The following KRT4 variants were observed in gnomAD, a reference collection of about 807,000 sequenced individuals.
The protein encoded by KRT4 is keratin 4.
KRT4 carries 47 observed loss-of-function variants against 50.6 expected under a neutral mutation model. The ratio of observed to expected loss-of-function variants is 0.93; its 90% CI spans 0.73 to 1.18. The LOEUF is 1.18. Among genes scored for constraint, KRT4 ranks in the 50% most tolerant of loss-of-function variants. The probability of loss-of-function intolerance (pLI) is 0.00; values close to 1 mark genes in which losing one functional copy is unlikely to be tolerated. For missense variants in KRT4, 651 were observed against 645.7 expected (o/e 1.01, Z -0.09); for synonymous variants, 254 against 251.2 (o/e 1.01, Z -0.10).
At position 52,813,847 on chromosome 12, in the gene KRT4, C is replaced by A. The variant is rs776597302; in HGVS notation, c.212G>T (p.Gly71Val). The A allele has an allele frequency of 2.0e-5, 6 of 306,350 alleles. No individual in the cohort carries two copies. In the East Asian group the frequency reaches 3.2e-4, roughly 17 times the overall value. The allele number at this position is 306,350 out of a possible 1,614,324, so 19.0% of individuals were successfully genotyped here. A position where few individuals can be genotyped will look rare whatever the true frequency, so the allele number is the denominator to read the frequency against. ...GCCTCCAGCACCCCCAAAGCAGGCA[C>A]CTTGTCGTGACCCAGCCACACTCAT... ...ISMSVAGSRQ[G>V]ACFGGAGGFG... Residue 71 changes from glycine to valine, a missense_variant, in exon 1 of 9, where the codon GGT becomes GTT. Coordinates refer to ENST00000551956, the MANE Select transcript of KRT4 (RefSeq NM_002272.4).
rs762384783 is a variant in KRT4, at chr12:52,811,930, G to T, written c.510C>A (p.Asn170Lys). Residue 170 changes from asparagine (N) to lysine (K), a missense_variant, in exon 2 of 9, where the codon AAC becomes AAA. Asn to Lys is a moderately conservative substitution (Grantham distance 94). Transcript: ENST00000551956. Reference sequence around the variant, plus strand: ...TGGTGGTCGTCTGCTGCTGGAGCAGGTTCCATTTGGTCTCCAGGACCTTAT... The same window carrying T: ...TGGTGGTCGTCTGCTGCTGGAGCAGTTTCCATTTGGTCTCCAGGACCTTAT... ...QQNKVLETKW[N>K]LLQQQTTTTS... 6.2e-7 allele frequency: 1 copy of T among 1,613,994 alleles called. No homozygotes were observed. Among genetic ancestry groups the T allele is most frequent in the Non-Finnish European group, 8.5e-7 (1 of 1,180,026 alleles).
chr12:52,808,786 C>A lies in KRT4; in HGVS notation c.899G>T (p.Arg300Leu). 1 of 1,614,078 alleles carries A rather than the reference C, an allele frequency of 6.2e-7. No individual in the cohort carries two copies. The highest frequency in any genetic ancestry group is 1.1e-5 in the South Asian group (1 of 91,070). ...AATAATGCTGTCCAGGTCCAGGTTG[C>A]GGTTGTTGTCCATGGAAAGGACCAC... ...TSVVLSMDNN[R>L]NLDLDSIIAE... is the part of the protein sequence containing the mutation. The change falls in exon 5 of 9, where the codon CGC (arginine) becomes CTC (leucine). Residue 300 changes from arginine (R) to leucine (L), a missense_variant. Coordinates refer to ENST00000551956, the MANE Select transcript of KRT4 (RefSeq NM_002272.4).
intron 4 of KRT4, chr12:52,809,068 G>C (rs1939860640): frequency 3.1e-6 from 2 of 648,850 alleles, no homozygotes; most frequent in Non-Finnish European, 5.5e-6. Context: ...CTAATGCAGT[G>C]AGTGCCGGTG....
intron 1 of KRT4, 71 bp downstream of exon 1, chr12:52,813,526 C>A: frequency 7.3e-7 from 1 of 1,368,726 alleles, no homozygotes; most frequent in South Asian, 1.2e-5. Context: ...GTGGCAGGCT[C>A]AGGTCTGAGA....
chr12:52,811,488 A>C, intron 2 of KRT4: 1 of 457,170 alleles, frequency 2.2e-6, no homozygotes. Context: ...TTCTAATCAT[A>C]CTATACTGCT....
At chr12:52,808,010 T>C in intron 6 of KRT4, 146 bp from the exon 7 acceptor site, 1 of 811,340 alleles carries the variant, frequency 1.2e-6, no homozygotes, top group East Asian at 2.7e-5. Flanking sequence ...CTTATGCATC[T>C]CATTCACTCC....
At chr12:52,810,690 G>T in intron 3 of KRT4, 66 bp downstream of exon 3, 1 of 1,349,704 alleles carries the variant, frequency 7.4e-7, no homozygotes, top group Non-Finnish European at 1.1e-6. Context: ...CATGACTTCA[G>T]CCAAAGACCA....
intron 2 of KRT4, among the ~76,000 whole-genome samples, chr12:52,811,255 G>A (rs573237050): frequency 1.3e-5 from 2 of 152,306 alleles, no homozygotes; most frequent in African/African-American, 4.8e-5. Flanking sequence ...GAGGTGCTGT[G>A]TATTCAGTGT....
At chr12:52,810,946 T>G in intron 2 of KRT4, 130 bp from the exon 3 acceptor site, 1 of 734,652 alleles carries the variant, frequency 1.4e-6, no homozygotes, top group Non-Finnish European at 2.5e-6. Flanking sequence ...GCATTTCCCA[T>G]ATTCATACAG....
intron 7 of KRT4, 105 bp from the exon 8 acceptor site, chr12:52,807,498 G>A: frequency 2.0e-6 from 3 of 1,509,358 alleles, no homozygotes; most frequent in Non-Finnish European, 2.8e-6. Flanking sequence ...TGAGTTTGAG[G>A]GCCCAGTGTG....
In KRT4 at chr12:52,807,350, G is replaced by C. The variant is rs766303204; in HGVS notation, c.1381+9C>G. Reference sequence around the variant, plus strand: ...ATGAACAACTACAGCAGGCGTGGAAGGTACTTACAGATGCTCACGGCACTC... The same window carrying C: ...ATGAACAACTACAGCAGGCGTGGAACGTACTTACAGATGCTCACGGCACTC... On this transcript the variant is annotated intron_variant, in intron 8 of 8. Coordinates refer to ENST00000551956, the MANE Select transcript of KRT4 (RefSeq NM_002272.4). 16 of 1,614,176 alleles carry C rather than the reference G, an allele frequency of 9.9e-6. No homozygotes were observed. The East Asian group carries it at 3.1e-4, about 31-fold the overall frequency.
chr12:52,807,470 T>C, intron 7 of KRT4, 77 bp from the exon 8 acceptor site: 9 of 1,570,658 alleles, frequency 5.7e-6, no homozygotes, highest in Non-Finnish European at 7.9e-6. Flanking sequence ...CTCACCTCTC[T>C]TATCCTTGAG....
In KRT4 at chr12:52,811,897, G is replaced by A. The variant is rs1939918313; in HGVS notation, c.543C>T (p.Ser181=). The part of the protein sequence containing the change: ...LLQQQTTTTS[S]KNLEPLFETY... ...TCTCAAAGAGGGGCTCAAGGTTTTT[G>A]CTGGAGGTGGTGGTCGTCTGCTGCT... The change falls in exon 2 of 9, where the codon AGC becomes AGT. Residue 181 remains serine (S), a synonymous_variant. Transcript: ENST00000551956. The A allele has an allele frequency of 6.2e-7, 1 of 1,614,094 alleles. No individual in the cohort carries two copies.
Position 52,811,939 on chromosome 12 carries a change from G to A in KRT4, c.501C>T (p.Thr167=). 1 of 1,613,930 alleles carries A rather than the reference G, an allele frequency of 6.2e-7. No homozygotes were observed. Among genetic ancestry groups the A allele is most frequent in the Non-Finnish European group, 8.5e-7 (1 of 1,180,016 alleles). Residue 167 remains threonine, a synonymous_variant, in exon 2 of 9, where the codon ACC becomes ACT. Transcript: ENST00000551956. ...TCTGCTGCTGGAGCAGGTTCCATTTGGTCTCCAGGACCTTATTCTGTTGCT... is the reference window on the plus strand; with the variant it reads ...TCTGCTGCTGGAGCAGGTTCCATTTAGTCTCCAGGACCTTATTCTGTTGCT... ...FLEQQNKVLE[T]KWNLLQQQTT... is the part of the protein sequence containing the mutation.
chr12:52,812,075 A>G, intron 1 of KRT4, 98 bp from the exon 2 acceptor site: 1 of 963,548 alleles, frequency 1.0e-6, no homozygotes. Flanking sequence ...AGGGAACTAC[A>G]CGGCCCAAGA....
rs749942252 is a variant in KRT4, at chr12:52,813,676, G to A, written c.383C>T (p.Pro128Leu). The A allele has an allele frequency of 1.9e-6, 3 of 1,614,118 alleles. No homozygotes were observed. Among genetic ancestry groups the A allele is most frequent in the Admixed American group, 3.3e-5 (2 of 60,016 alleles). The change falls in exon 1 of 9, where the codon CCT becomes CTT. Residue 128 changes from proline to leucine, a missense_variant. Physicochemically the swap from Pro to Leu is moderately conservative, Grantham distance 98. Transcript: ENST00000551956. ...TTCCGTCCGGACTTTCTGGATCTCAGGGTCAATCTCCACGTGGAGGGGGGT... is the reference window on the plus strand; with the variant it reads ...TTCCGTCCGGACTTTCTGGATCTCAAGGTCAATCTCCACGTGGAGGGGGGT... ...LLTPLHVEID[P>L]EIQKVRTEER...
At position 52,806,950 on chromosome 12, in the gene KRT4, G is replaced by A; in HGVS notation, c.*119C>T. On this transcript the variant is annotated 3_prime_UTR_variant, in exon 9 of 9. Transcript: ENST00000551956. Reference sequence around the variant, plus strand: ...GGGCAGAGAGAGCCCATGGGATAGTGGAGGGGATACTAGTAAGATGAGCCC... The same window carrying A: ...GGGCAGAGAGAGCCCATGGGATAGTAGAGGGGATACTAGTAAGATGAGCCC... 2.1e-6 allele frequency: 2 copies of A among 955,896 alleles called. No individual in the cohort carries two copies. The highest frequency in any genetic ancestry group is 1.4e-5 in the South Asian group (1 of 73,264). 59.2% of individuals were successfully genotyped at this position (955,896 alleles called of 1,614,324 possible). A position where few individuals can be genotyped will look rare whatever the true frequency, so the allele number is the denominator to read the frequency against.
At chr12:52,809,897 T>C (rs976793465) in intron 3 of KRT4, among the ~76,000 whole-genome samples, 1 of 152,186 alleles carries the variant, frequency 6.6e-6, no homozygotes, top group African/African-American at 2.4e-5. Context: ...ATGATACATA[T>C]ACACAATAGA....
chr12:52,809,562 CT>C (rs1470891611), intron 3 of KRT4, 84 bp from the exon 4 acceptor site: 18 of 951,018 alleles, frequency 1.9e-5, no homozygotes, highest in Non-Finnish European at 3.1e-5. Context: ...GACAGGTGTT[CT>C]CAGCAGCATT....
Sources: gnomAD v4.1 joint callset for allele counts (sites outside exome capture counted in the v4.1 genomes callset) on GRCh38, gnomAD v4.1.1 for gene constraint, MANE v1.5 for transcripts, NCBI Gene and HGNC (gene_info 2026-07-23, HGNC 2026-07-21) for gene names.